PCDH15: variants seen among roughly 807,000 people sequenced by gnomAD.
PCDH15 encodes protocadherin-15.
In PCDH15, 129 loss-of-function variants were observed where a neutral mutation model predicts 178.5. That is an observed-to-expected ratio of 0.72 (90% CI 0.63 to 0.84). The LOEUF (loss-of-function observed/expected upper bound fraction) is 0.84, where lower values mean the gene tolerates loss of function less well. Among genes scored for constraint, PCDH15 ranks in the 40% least tolerant of loss-of-function variants. The pLI, the probability that PCDH15 is intolerant of heterozygous loss-of-function variation, is 0.00. For missense variants in PCDH15, 2,230 were observed against 2,099.9 expected (o/e 1.06, Z -1.21); for synonymous variants, 800 against 732.0 (o/e 1.09, Z -1.50).
intron 15 of PCDH15, among the ~76,000 whole-genome samples, chr10:54,093,028 TATATC>T (rs753140946): frequency 1.3e-5 from 2 of 152,108 alleles, no homozygotes; most frequent in African/African-American, 2.4e-5. Context: ...AATCTTTTAT[TATATC>T]AGATCTACTC....
rs576078337 is a variant in PCDH15, at chr10:54,719,901, C to A, written c.-28-55611G>T. Among the ~76,000 whole-genome samples, 3 of 152,062 alleles carry A rather than the reference C, an allele frequency of 2.0e-5. No homozygotes were observed. In the East Asian group the frequency reaches 5.8e-4, roughly 29 times the overall value. Reference sequence around the variant, plus strand: ...ATAGTATTCCATGGTGTGTATGTACCATATTTTCTTTATCCAGTCTACTAT... The same window carrying A: ...ATAGTATTCCATGGTGTGTATGTACAATATTTTCTTTATCCAGTCTACTAT... On this transcript the variant is annotated intron_variant, in intron 1 of 37. Coordinates refer to ENST00000644397, the MANE Select transcript of PCDH15 (RefSeq NM_001384140.1).
At chr10:54,624,374 G>C (rs1282981302) in intron 2 of PCDH15, among the ~76,000 whole-genome samples, 1 of 152,126 alleles carries the variant, frequency 6.6e-6, no homozygotes, top group Admixed American at 6.6e-5. Context: ...ACTACTGATT[G>C]CCTTGAATTT....
rs929113807 is a variant in PCDH15, at chr10:55,511,030, G to GT, written c.-156+116594dup. Among the ~76,000 whole-genome samples the GT allele has an allele frequency of 5.0e-3, 735 of 148,410 alleles. 7 individuals are homozygous for GT. Among genetic ancestry groups the GT allele is most frequent in the African/African-American group, 0.017 (687 of 39,810 alleles). On this transcript the variant is annotated intron_variant, in intron 2 of 5. Coordinates refer to the PCDH15 transcript ENST00000613346. ...ATGCACCAACATGAGTGGCTAATTT[G>GT]TTTTTTTTGTTTGTTTGTTTGTTTT...
chr10:55,213,543 T>C, intron 1 of PCDH15, among the ~76,000 whole-genome samples: 1 of 151,980 alleles, frequency 6.6e-6, no homozygotes, highest in East Asian at 1.9e-4. Context: ...GTTAAATTTT[T>C]TACATTTGTG....
At chr10:53,924,452 T>C (rs987638675) in intron 25 of PCDH15, among the ~76,000 whole-genome samples, 1 of 152,132 alleles carries the variant, frequency 6.6e-6, no homozygotes, top group Admixed American at 6.5e-5. Context: ...CCCGCCATGC[T>C]GGAGTGTCCC....
intron 3 of PCDH15, among the ~76,000 whole-genome samples, chr10:54,428,645 A>G (rs954972907): frequency 6.6e-6 from 1 of 152,110 alleles, no homozygotes; most frequent in Non-Finnish European, 1.5e-5. Context: ...TTCGATAATC[A>G]TACTCCCAAA....
At chr10:55,483,362 T>C (rs1020731613) in intron 2 of PCDH15, among the ~76,000 whole-genome samples, 4 of 151,746 alleles carry the variant, frequency 2.6e-5, no homozygotes, top group Admixed American at 6.6e-5. Flanking sequence ...AATAATTATA[T>C]TTAGAAAAGC....
chr10:53,968,550 C>T (rs1337533300), intron 21 of PCDH15, among the ~76,000 whole-genome samples: 1 of 152,170 alleles, frequency 6.6e-6, no homozygotes, highest in African/African-American at 2.4e-5. Context: ...GACAGACTGC[C>T]TCCTCAAGTG....
chr10:55,063,764 T>A (rs1841498178), intron 2 of PCDH15, among the ~76,000 whole-genome samples: 1 of 152,132 alleles, frequency 6.6e-6, no homozygotes, highest in Non-Finnish European at 1.5e-5. Context: ...AAGCTCCCCA[T>A]AAAGCTGTCC....
intron 1 of PCDH15, among the ~76,000 whole-genome samples, chr10:54,681,622 T>G (rs1358434965): frequency 6.6e-6 from 1 of 152,072 alleles, no homozygotes; most frequent in Non-Finnish European, 1.5e-5. Flanking sequence ...GAAGAGTGGT[T>G]TTAGTGGAGG....
chr10:54,174,720 T>A, intron 13 of PCDH15, among the ~76,000 whole-genome samples: 1 of 142,616 alleles, frequency 7.0e-6, no homozygotes, highest in East Asian at 2.0e-4. Context: ...TTTTTTTTTT[T>A]TTTGAGACAG....
chr10:54,320,097 T>A (rs1003527775), intron 7 of PCDH15, among the ~76,000 whole-genome samples: 2 of 152,078 alleles, frequency 1.3e-5, no homozygotes, highest in African/African-American at 4.8e-5. Context: ...ACTATAAAGA[T>A]TATTCAAACC....
intron 2 of PCDH15, among the ~76,000 whole-genome samples, chr10:54,592,757 G>T (rs1376140150): frequency 1.3e-5 from 2 of 152,120 alleles, no homozygotes; most frequent in African/African-American, 2.4e-5. Flanking sequence ...AATTGTTAAA[G>T]GAATCTTCAT....
chr10:54,075,915 T>G (rs1247326508), intron 17 of PCDH15, among the ~76,000 whole-genome samples: 1 of 152,174 alleles, frequency 6.6e-6, no homozygotes, highest in Non-Finnish European at 1.5e-5. Flanking sequence ...TTTTTCTTTT[T>G]GGCTATCTGG....
intron 1 of PCDH15, among the ~76,000 whole-genome samples, chr10:54,738,990 T>C (rs1944452768): frequency 6.6e-6 from 1 of 152,124 alleles, no homozygotes; most frequent in East Asian, 1.9e-4. Flanking sequence ...GCCTTTCCTC[T>C]AAGGTCTGTA....
intron 2 of PCDH15, among the ~76,000 whole-genome samples, chr10:55,609,622 G>A (rs1459378737): frequency 1.3e-5 from 2 of 151,902 alleles, no homozygotes; most frequent in Non-Finnish European, 2.9e-5. Context: ...TCAAGTTCAT[G>A]TACACTGTCC....
intron 1 of PCDH15, among the ~76,000 whole-genome samples, chr10:55,234,467 A>G (rs1841317344): frequency 6.6e-6 from 1 of 151,796 alleles, no homozygotes; most frequent in African/African-American, 2.4e-5. Context: ...TGAGTGGCAC[A>G]ATCATGGCTC....
chr10:53,851,671 A>AATATATATAT (rs71004485), intron 28 of PCDH15, among the ~76,000 whole-genome samples: 59 of 104,540 alleles, frequency 5.6e-4, no homozygotes, highest in Non-Finnish European at 9.3e-4. Context: ...TCCTCCTAGA[A>AATATATATAT]ATATATATAT....
Position 55,528,437 on chromosome 10 carries a change from T to C in PCDH15, c.-156+99188A>G, listed in dbSNP as rs932039600. 5.9e-5 allele frequency among the ~76,000 whole-genome samples: 9 copies of C among 152,146 alleles called. No individual in the cohort carries two copies. The East Asian group carries it at 9.7e-4, about 16-fold the overall frequency. On this transcript the variant is annotated intron_variant, in intron 2 of 5. Transcript: ENST00000613346. ...TTCCCCTTCCTGTGTCCAAGTGTTCTCATTGTTCAATTCCCACCTATAAGT... is the reference window on the plus strand; with the variant it reads ...TTCCCCTTCCTGTGTCCAAGTGTTCCCATTGTTCAATTCCCACCTATAAGT...
Sources: gnomAD v4.1 joint callset for allele counts (sites outside exome capture counted in the v4.1 genomes callset) on GRCh38, gnomAD v4.1.1 for gene constraint, MANE v1.5 for transcripts, NCBI Gene and HGNC (gene_info 2026-07-23, HGNC 2026-07-21) for gene names.